Variants in MORC1 observed in about 807,000 individuals in gnomAD.
MORC1 encodes the protein MORC family CW-type zinc finger protein 1.
In MORC1, 59 loss-of-function variants were observed where a neutral mutation model predicts 134.9. The ratio of observed to expected loss-of-function variants is 0.44; its 90% CI spans 0.35 to 0.54. The LOEUF is 0.54. Ranked by LOEUF, MORC1 falls within the 20% of genes least tolerant of loss-of-function variation. The probability of loss-of-function intolerance (pLI) is 0.00; values close to 1 mark genes in which losing one functional copy is unlikely to be tolerated. For missense variants in MORC1, 947 were observed against 1,134.5 expected (o/e 0.83, Z 2.37); for synonymous variants, 395 against 391.7 (o/e 1.01, Z -0.10).
chr3:109,038,400 T>G (rs1045391198), intron 14 of MORC1, among the ~76,000 whole-genome samples: 1 of 152,152 alleles, frequency 6.6e-6, no homozygotes, highest in African/African-American at 2.4e-5. Flanking sequence ...CTGTTCACTC[T>G]GATGGTAGTT....
At chr3:109,035,296 A>AC (rs760521231) in intron 15 of MORC1, 44 bp downstream of exon 15, 10 of 1,524,598 alleles carry the variant, frequency 6.6e-6, no homozygotes, top group Non-Finnish European at 7.1e-6. Context: ...TGCATATTTA[A>AC]GAGCCCTTAA....
In MORC1 at chr3:109,051,160, T is replaced by C. The variant is rs1440509375; in HGVS notation, c.1330+3568A>G. 2.6e-5 allele frequency among the ~76,000 whole-genome samples: 4 copies of C among 152,140 alleles called. 1 individual carries two copies. Among genetic ancestry groups the C allele is most frequent in the South Asian group, 4.1e-4 (2 of 4,820 alleles). ...AGAGACAAGGAAAATATTTCTGAGA[T>C]TGTTAGCATCAGCTGGGCCAAAAGT... On this transcript the variant is annotated intron_variant, in intron 14 of 27. Coordinates refer to ENST00000232603, the MANE Select transcript of MORC1 (RefSeq NM_014429.4).
intron 17 of MORC1, among the ~76,000 whole-genome samples, chr3:109,013,142 T>G (rs1278141306): frequency 6.6e-6 from 1 of 152,156 alleles, no homozygotes; most frequent in African/African-American, 2.4e-5. Flanking sequence ...GTCATTTATA[T>G]TTTGCTAGAA....
chr3:109,002,105 A>T (rs549585094), intron 20 of MORC1, among the ~76,000 whole-genome samples: 1 of 152,298 alleles, frequency 6.6e-6, no homozygotes, highest in South Asian at 2.1e-4. Context: ...TCTCCATCAG[A>T]GCATGGTCAA....
chr3:109,011,255 T>C (rs945371814), intron 17 of MORC1, among the ~76,000 whole-genome samples: 1 of 152,268 alleles, frequency 6.6e-6, no homozygotes, highest in South Asian at 2.1e-4. Context: ...TGCCAAACTG[T>C]TTTCCTATGT....
At chr3:109,079,457 C>T (rs926825166) in intron 8 of MORC1, among the ~76,000 whole-genome samples, 2 of 151,764 alleles carry the variant, frequency 1.3e-5, no homozygotes, top group African/African-American at 4.8e-5. Context: ...TTTCCTCACA[C>T]AAAAAAATAA....
chr3:109,059,171 T>C (rs1312856673), intron 12 of MORC1, among the ~76,000 whole-genome samples: 1 of 152,146 alleles, frequency 6.6e-6, no homozygotes, highest in Non-Finnish European at 1.5e-5. Flanking sequence ...GAACTAATCA[T>C]ATTTCCCTTA....
intron 8 of MORC1, among the ~76,000 whole-genome samples, chr3:109,087,429 C>T (rs893277963): frequency 1.2e-4 from 19 of 152,024 alleles, no homozygotes; most frequent in African/African-American, 4.4e-4. Flanking sequence ...TATACATTAA[C>T]AACAGCCAAG....
At chr3:109,052,627 G>A (rs78699180) in intron 14 of MORC1, among the ~76,000 whole-genome samples, 2,754 of 152,062 alleles carry the variant, frequency 0.018, 83 homozygotes, top group African/African-American at 0.06. Context: ...TTTTAGGTAC[G>A]GCAGGATGGA....
chr3:109,094,901 G>T lies in MORC1; in HGVS notation c.583+8C>A, dbSNP rs759708601. On this transcript the variant is annotated splice_region_variant and intron_variant, in intron 7 of 27. Coordinates refer to ENST00000232603, the MANE Select transcript of MORC1 (RefSeq NM_014429.4). ...TCCATCAAATTGTCAGAGTTTTGAT[G>T]ATCTTACCACATTTTCCATAGATCA... 1 of 1,544,860 alleles carries T rather than the reference G, an allele frequency of 6.5e-7. No homozygotes were observed. Among genetic ancestry groups the T allele is most frequent in the Non-Finnish European group, 8.7e-7 (1 of 1,155,056 alleles).
intron 15 of MORC1, among the ~76,000 whole-genome samples, chr3:109,033,958 A>C (rs1339259526): frequency 1.3e-5 from 2 of 152,186 alleles, no homozygotes; most frequent in Admixed American, 1.3e-4. Flanking sequence ...GGATTCTAAC[A>C]GTACCTGGTA....
chr3:109,097,033 T>C (rs1950843217), intron 6 of MORC1, among the ~76,000 whole-genome samples: 1 of 151,996 alleles, frequency 6.6e-6, no homozygotes, highest in Non-Finnish European at 1.5e-5. Flanking sequence ...CAAGAAACTA[T>C]CCCAGAATTG....
chr3:109,027,797 T>C lies in MORC1; in HGVS notation c.1658A>G (p.Glu553Gly). 1 of 1,613,902 alleles carries C rather than the reference T, an allele frequency of 6.2e-7. No homozygotes were observed. The highest frequency in any genetic ancestry group is 8.5e-7 in the Non-Finnish European group (1 of 1,179,872). The change falls in exon 17 of 28, where the codon GAG becomes GGG. Residue 553 changes from glutamate (E) to glycine (G), a missense_variant. Physicochemically the swap from Glu to Gly is moderately conservative, Grantham distance 98 (BLOSUM62 -2). Coordinates refer to ENST00000232603, the MANE Select transcript of MORC1 (RefSeq NM_014429.4). ...TCTATTTTGATACTTTATGACCGAC[T>C]CTCTAAGTTGCTTCTCTTTCTCATT... ...SKNEKEKQLR[E>G]SVIKYQNRLA...
At chr3:108,963,371 A>G (rs2715755) in intron 27 of MORC1, 43 bp downstream of exon 27, 523,980 of 1,518,432 alleles carry the variant, frequency 0.35, 93,971 homozygotes, top group Middle Eastern at 0.5. Flanking sequence ...TTCTCGTTCC[A>G]TAGAGTCTAC....
intron 24 of MORC1, among the ~76,000 whole-genome samples, chr3:108,972,597 G>A (rs1947418619): frequency 6.6e-6 from 1 of 152,152 alleles, no homozygotes; most frequent in Admixed American, 6.6e-5. Flanking sequence ...TAAAAAAGGT[G>A]GAGCAGCTTC....
intron 25 of MORC1, 89 bp downstream of exon 25, chr3:108,971,241 T>A (rs1693689857): frequency 8.8e-7 from 1 of 1,142,474 alleles, no homozygotes; most frequent in South Asian, 1.3e-5. Flanking sequence ...CCACTCTAGG[T>A]CCTCTTATTG....
chr3:108,959,803 C>T (rs1947032732), intron 27 of MORC1, among the ~76,000 whole-genome samples: 1 of 152,200 alleles, frequency 6.6e-6, no homozygotes. Context: ...TGACCAGGAT[C>T]TAGTCTGAAG....
chr3:108,996,284 G>GCACACACACA (rs1367526527), intron 21 of MORC1, among the ~76,000 whole-genome samples: 1,092 of 77,532 alleles, frequency 0.014, 4 homozygotes, highest in African/African-American at 0.022. Context: ...GTGCGCGCGC[G>GCACACACACA]CGCACACACA....
intron 8 of MORC1, among the ~76,000 whole-genome samples, chr3:109,082,220 A>T (rs1327850616): frequency 6.6e-6 from 1 of 152,066 alleles, no homozygotes; most frequent in East Asian, 1.9e-4. Context: ...CCTAGTGCCG[A>T]AAAGAAGGCA....
Sources: allele counts gnomAD v4.1 joint callset (sites outside exome capture counted in the v4.1 genomes callset), GRCh38; gene constraint gnomAD v4.1.1; transcripts MANE v1.5; gene names NCBI Gene and HGNC (gene_info 2026-07-23, HGNC 2026-07-21).